LRRC66: variants seen among roughly 807,000 people sequenced by gnomAD.
LRRC66 encodes the protein leucine rich repeat containing 66, also known as leucine-rich repeat-containing protein 66.
Under a neutral mutation model 24.6 loss-of-function variants are expected in LRRC66, and 29 were observed. The observed-to-expected ratio is 1.18, with a 90% CI of 0.88 to 1.61. LRRC66 has a LOEUF of 1.61. Among genes scored for constraint, LRRC66 ranks in the 40% most tolerant of loss-of-function variants. LRRC66 has a pLI of 0.00. For synonymous variants in LRRC66, 411 were observed against 397.6 expected (o/e 1.03, Z -0.40); for missense variants, 1,124 against 1,058.0 (o/e 1.06, Z -0.87).
intron 1 of LRRC66, among the ~76,000 whole-genome samples, chr4:52,018,751 T>C (rs1478758937): frequency 2.0e-5 from 3 of 152,234 alleles, no homozygotes; most frequent in Admixed American, 2.0e-4. Context: ...GTAAACTTAA[T>C]GACCTAGCTT....
At chr4:52,019,357 C>T (rs1301419218) in intron 1 of LRRC66, among the ~76,000 whole-genome samples, 3 of 146,792 alleles carry the variant, frequency 2.0e-5, no homozygotes, top group East Asian at 1.9e-4. Context: ...GTTCTGAACT[C>T]CCAAAAAAAA....
rs933767422 is a variant in LRRC66, at chr4:52,003,516, T to C, written c.497-124A>G. 4.5e-5 allele frequency: 33 copies of C among 727,762 alleles called. No individual in the cohort carries two copies. The African/African-American group carries it at 5.3e-4, about 12-fold the overall frequency. The allele number at this position is 727,762 out of a possible 1,614,324, so 45.1% of individuals were successfully genotyped here. A position where few individuals can be genotyped will look rare whatever the true frequency, so the allele number is the denominator to read the frequency against. ...AATTGAGGTATTGTTAAACAACGTA[T>C]GGTATATTAATACTATGAAATAATA... On this transcript the variant is annotated intron_variant, in intron 2 of 4. Transcript: ENST00000682860.
intron 2 of LRRC66, among the ~76,000 whole-genome samples, chr4:52,010,659 G>A (rs1294649276): frequency 2.0e-5 from 3 of 152,166 alleles, no homozygotes; most frequent in African/African-American, 7.2e-5. Context: ...GAGCTGTGTA[G>A]GAGACCATGA....
rs185588017 is a variant in LRRC66 at position 52,017,078 on chromosome 4, C to T, written c.496+40G>A. 1,489 of 1,556,020 alleles carry T rather than the reference C, an allele frequency of 9.6e-4. 1 individual carries two copies. The highest frequency in any genetic ancestry group is 3.3e-3 in the Middle Eastern group (19 of 5,752). On this transcript the variant is annotated intron_variant, in intron 2 of 4. Transcript: ENST00000682860. Reference sequence around the variant, plus strand: ...TTCTTATGAACATGAAACAACTCCACGTAAGCATTGTTTCTCTGCCTAGTT... The same window carrying T: ...TTCTTATGAACATGAAACAACTCCATGTAAGCATTGTTTCTCTGCCTAGTT...
At chr4:52,016,011 T>C (rs1404607542) in intron 2 of LRRC66, among the ~76,000 whole-genome samples, 1 of 151,718 alleles carries the variant, frequency 6.6e-6, no homozygotes, top group African/African-American at 2.4e-5. Flanking sequence ...AAATGTTCTA[T>C]AAGTAACAGG....
At chr4:52,001,846 T>C (rs1028256698) in intron 3 of LRRC66, among the ~76,000 whole-genome samples, 1 of 152,196 alleles carries the variant, frequency 6.6e-6, no homozygotes, top group African/African-American at 2.4e-5. Context: ...GAATAGCACT[T>C]TGCAGAACAC....
chr4:52,005,628 G>T (rs1736562615), intron 2 of LRRC66, among the ~76,000 whole-genome samples: 1 of 150,732 alleles, frequency 6.6e-6, no homozygotes, highest in African/African-American at 2.4e-5. Flanking sequence ...GGAAAACAAA[G>T]GATAGGCCAA....
chr4:52,019,260 T>A (rs1266108866), intron 1 of LRRC66, among the ~76,000 whole-genome samples: 3 of 152,176 alleles, frequency 2.0e-5, no homozygotes, highest in African/African-American at 7.2e-5. Context: ...AATTTGTCTT[T>A]ATTCTTACAG....
intron 2 of LRRC66, among the ~76,000 whole-genome samples, chr4:52,011,404 CAG>C (rs1237489122): frequency 1.3e-5 from 2 of 152,038 alleles, no homozygotes; most frequent in Admixed American, 1.3e-4. Flanking sequence ...CAGTGTGGTT[CAG>C]AGAGTCAGAG....
At chr4:52,004,063 T>C (rs980692948) in intron 2 of LRRC66, among the ~76,000 whole-genome samples, 3 of 152,128 alleles carry the variant, frequency 2.0e-5, no homozygotes, top group Admixed American at 6.5e-5. Context: ...AGTGCAGTGG[T>C]ACAATCCCCA....
chr4:52,004,198 G>A (rs189903490), intron 2 of LRRC66, among the ~76,000 whole-genome samples: 8 of 152,098 alleles, frequency 5.3e-5, no homozygotes, highest in East Asian at 1.9e-4. Flanking sequence ...TAGTAGAGAC[G>A]GGGTTTCACC....
At chr4:52,008,368 G>A (rs561084216) in intron 2 of LRRC66, among the ~76,000 whole-genome samples, 1 of 151,946 alleles carries the variant, frequency 6.6e-6, no homozygotes, top group East Asian at 1.9e-4. Flanking sequence ...TAATATGCCT[G>A]AAAAATCTTC....
chr4:52,000,870 A>G (rs1373278333), intron 3 of LRRC66, among the ~76,000 whole-genome samples: 4 of 152,218 alleles, frequency 2.6e-5, no homozygotes, highest in Non-Finnish European at 5.9e-5. Context: ...CAGGTAAGCC[A>G]TGCCTGGATT....
intron 2 of LRRC66, among the ~76,000 whole-genome samples, chr4:52,008,357 A>G (rs1055519577): frequency 8.5e-5 from 13 of 152,116 alleles, no homozygotes; most frequent in African/African-American, 3.1e-4. Flanking sequence ...GATTATAAGT[A>G]TAATATGCCT....
chr4:51,995,215 T>C lies in LRRC66; in HGVS notation c.1807A>G (p.Ser603Gly), dbSNP rs749044498. The C allele has an allele frequency of 1.2e-6, 2 of 1,614,200 alleles. No individual in the cohort carries two copies. Among genetic ancestry groups the C allele is most frequent in the Middle Eastern group, 1.6e-4 (1 of 6,062 alleles). Reference protein sequence around the residue: ...THAEAQRTGDSKERGGTEQSL... With the variant: ...THAEAQRTGDGKERGGTEQSL... Reference sequence around the variant, plus strand: ...TGTTCAGTGCCCCCTCTTTCCTTACTATCTCCAGTCCTCTGTGCTTCTGCA... The same window carrying C: ...TGTTCAGTGCCCCCTCTTTCCTTACCATCTCCAGTCCTCTGTGCTTCTGCA... Residue 603 changes from serine to glycine, a missense_variant, in exon 5 of 5, where the codon AGT becomes GGT. Ser to Gly is a moderately conservative substitution (Grantham distance 56). Coordinates refer to ENST00000682860, the MANE Select transcript of LRRC66 (RefSeq NM_001024611.3).
At chr4:51,999,722 G>A (rs1176945145) in intron 3 of LRRC66, among the ~76,000 whole-genome samples, 1 of 152,026 alleles carries the variant, frequency 6.6e-6, no homozygotes, top group African/African-American at 2.4e-5. Flanking sequence ...TTACTCAGGA[G>A]GAACAATTTC....
chr4:52,016,115 T>C (rs1463179294), intron 2 of LRRC66, among the ~76,000 whole-genome samples: 1 of 152,148 alleles, frequency 6.6e-6, no homozygotes, highest in Non-Finnish European at 1.5e-5. Context: ...ATGGAGAAGG[T>C]CAGGGAGATA....
Position 51,995,041 on chromosome 4 carries a change from G to T in LRRC66, c.1981C>A (p.Pro661Thr), listed in dbSNP as rs569258959. Residue 661 changes from proline to threonine, a missense_variant, in exon 5 of 5, where the codon CCA (proline) becomes ACA (threonine). Physicochemically the swap from Pro to Thr is conservative, Grantham distance 38. Transcript: ENST00000682860. Reference protein sequence around the residue: ...AHYSEVPYGDPRDTGPSVFPP... With the variant: ...AHYSEVPYGDTRDTGPSVFPP... ...AAGACTGATGGGCCTGTGTCTCTTG[G>T]GTCACCGTATGGAACCTCGCTGTAG... 1 of 1,614,092 alleles carries T rather than the reference G, an allele frequency of 6.2e-7. No homozygotes were observed. Among genetic ancestry groups the T allele is most frequent in the African/African-American group, 1.3e-5 (1 of 75,048 alleles).
intron 3 of LRRC66, among the ~76,000 whole-genome samples, chr4:51,999,841 T>C (rs565037651): frequency 6.6e-6 from 1 of 152,326 alleles, no homozygotes; most frequent in African/African-American, 2.4e-5. Context: ...ATATGTAATA[T>C]TGCTTCATAA....
Sources: allele counts gnomAD v4.1 joint callset (sites outside exome capture counted in the v4.1 genomes callset), GRCh38; gene constraint gnomAD v4.1.1; transcripts MANE v1.5; gene names NCBI Gene and HGNC (gene_info 2026-07-23, HGNC 2026-07-21).